The following NBEAL1 variants were observed in gnomAD, a reference collection of about 807,000 sequenced individuals.
NBEAL1 encodes neurobeachin like 1.
NBEAL1 carries 273 observed loss-of-function variants against 351.3 expected under a neutral mutation model. The ratio of observed to expected loss-of-function variants is 0.78; its 90% CI spans 0.70 to 0.86. NBEAL1 has a LOEUF of 0.86. Among genes scored for constraint, NBEAL1 ranks in the 40% least tolerant of loss-of-function variants. The pLI is 0.00. For missense variants in NBEAL1, 2,961 were observed against 3,201.3 expected, an observed-to-expected ratio of 0.92 and a Z score of 1.81; for synonymous variants, 1,050 against 1,086.4, an observed-to-expected ratio of 0.97 and a Z score of 0.66.
intron 2 of NBEAL1, among the ~76,000 whole-genome samples, chr2:203,024,525 C>G (rs933542621): frequency 1.3e-5 from 2 of 149,176 alleles, no homozygotes; most frequent in African/African-American, 4.9e-5. Flanking sequence ...GCACTCCAGC[C>G]TGGGCAATAG....
At chr2:203,032,429 G>A (rs541854941) in intron 2 of NBEAL1, among the ~76,000 whole-genome samples, 1 of 151,896 alleles carries the variant, frequency 6.6e-6, no homozygotes, top group African/African-American at 2.4e-5. Flanking sequence ...AGGCTGAGGC[G>A]GGCAGATCAT....
In NBEAL1 at chr2:203,197,628, C is replaced by T. The variant is rs557997147; in HGVS notation, c.7128+237C>T. 3.1e-4 allele frequency among the ~76,000 whole-genome samples: 47 copies of T among 152,246 alleles called. 1 individual carries two copies. The South Asian group carries it at 9.7e-3, about 32-fold the overall frequency. On this transcript the variant is annotated intron_variant, in intron 48 of 55. Coordinates refer to ENST00000683969, the MANE Select transcript of NBEAL1 (RefSeq NM_001378026.1). Reference sequence around the variant, plus strand: ...ATCTGAAAAGATATATAAAAATAGGCTGGGCACAGTGGCCCACGTCCGTAA... The same window carrying T: ...ATCTGAAAAGATATATAAAAATAGGTTGGGCACAGTGGCCCACGTCCGTAA...
At chr2:203,188,692 A>G (rs1229291157) in intron 45 of NBEAL1, 103 bp downstream of exon 45, 1 of 640,900 alleles carries the variant, frequency 1.6e-6, no homozygotes, top group Non-Finnish European at 2.6e-6. Context: ...GAAAGACTAC[A>G]TTTTAAAAAC....
chr2:203,041,986 A>C, intron 3 of NBEAL1, 130 bp downstream of exon 3: 7 of 658,858 alleles, frequency 1.1e-5, no homozygotes, highest in Non-Finnish European at 1.9e-5. Flanking sequence ...CCCTATTCTC[A>C]TAGAGACATA....
chr2:203,047,417 T>C (rs1435922030), intron 3 of NBEAL1, among the ~76,000 whole-genome samples: 1 of 152,236 alleles, frequency 6.6e-6, no homozygotes, highest in African/African-American at 2.4e-5. Flanking sequence ...TGATAGAACA[T>C]ACTACTTGTA....
chr2:203,216,278 T>G (rs2065895051), intron 55 of NBEAL1, among the ~76,000 whole-genome samples: 1 of 152,218 alleles, frequency 6.6e-6, no homozygotes, highest in Admixed American at 6.5e-5. Flanking sequence ...ACATTACTTT[T>G]TATCATTCTG....
chr2:203,198,424 T>C (rs893951841), intron 48 of NBEAL1, among the ~76,000 whole-genome samples: 9 of 152,306 alleles, frequency 5.9e-5, no homozygotes, highest in African/African-American at 1.9e-4. Flanking sequence ...GTTCATTGCA[T>C]TCATTGTAAA....
At chr2:203,177,150 CAAAAAAA>C (rs201081239) in intron 42 of NBEAL1, among the ~76,000 whole-genome samples, 1 of 60,386 alleles carries the variant, frequency 1.7e-5, no homozygotes, top group African/African-American at 6.5e-5. Context: ...AGCTCTATCT[CAAAAAAA>C]AAAAAAAAAA....
intron 6 of NBEAL1, among the ~76,000 whole-genome samples, chr2:203,064,344 C>T (rs1359597691): frequency 4.6e-5 from 7 of 152,232 alleles, no homozygotes; most frequent in African/African-American, 7.2e-5. Context: ...TGAGCCACTG[C>T]GCCCGGCCAT....
intron 7 of NBEAL1, among the ~76,000 whole-genome samples, chr2:203,070,193 G>T (rs529176618): frequency 6.6e-6 from 1 of 151,496 alleles, no homozygotes; most frequent in African/African-American, 2.4e-5. Flanking sequence ...AATGGACATT[G>T]ACTTTTTTTT....
intron 10 of NBEAL1, among the ~76,000 whole-genome samples, chr2:203,091,413 G>GCTA (rs2062062273): frequency 6.6e-6 from 1 of 152,012 alleles, no homozygotes; most frequent in African/African-American, 2.4e-5. Flanking sequence ...CCACCGTTTG[G>GCTA]CTGCTGCTGT....
intron 12 of NBEAL1, among the ~76,000 whole-genome samples, chr2:203,105,106 C>T (rs1574974754): frequency 6.6e-6 from 1 of 151,982 alleles, no homozygotes; most frequent in African/African-American, 2.4e-5. Context: ...ATCTACCCCC[C>T]TCAGCCTCCC....
chr2:203,200,757 A>G (rs2105810407), intron 49 of NBEAL1, among the ~76,000 whole-genome samples: 1 of 152,328 alleles, frequency 6.6e-6, no homozygotes, highest in South Asian at 2.1e-4. Context: ...AAATTACACC[A>G]TATATTTGAA....
chr2:203,048,512 T>C (rs186142505), intron 3 of NBEAL1, among the ~76,000 whole-genome samples: 2 of 152,296 alleles, frequency 1.3e-5, no homozygotes, highest in Non-Finnish European at 2.9e-5. Flanking sequence ...GTTTTGGTTG[T>C]GTGACCACAG....
In NBEAL1 at chr2:203,126,935, C is replaced by G. The variant is rs772002894; in HGVS notation, c.3248+9C>G. The G allele has an allele frequency of 1.3e-6, 2 of 1,501,880 alleles. No homozygotes were observed. Among genetic ancestry groups the G allele is most frequent in the South Asian group, 2.4e-5 (2 of 82,274 alleles). The allele number at this position is 1,501,880 out of a possible 1,614,324, so 93.0% of individuals were successfully genotyped here. A position where few individuals can be genotyped will look rare whatever the true frequency, so the allele number is the denominator to read the frequency against. On this transcript the variant is annotated intron_variant, in intron 23 of 55. Transcript: ENST00000683969. ...CTTAGGATTTATTATGGGTATGATGCCCTTGTTCTTTCTCAGTTTGATATA... is the reference window on the plus strand; with the variant it reads ...CTTAGGATTTATTATGGGTATGATGGCCTTGTTCTTTCTCAGTTTGATATA...
At chr2:203,138,098 T>C (rs2063266301) in intron 29 of NBEAL1, 64 bp from the exon 30 acceptor site, 3 of 1,524,606 alleles carry the variant, frequency 2.0e-6, no homozygotes, top group Admixed American at 3.8e-5. Flanking sequence ...TTTGTTTTGT[T>C]TTTAATGTCC....
intron 55 of NBEAL1, among the ~76,000 whole-genome samples, chr2:203,214,288 G>T (rs1286948854): frequency 6.6e-6 from 1 of 152,106 alleles, no homozygotes; most frequent in East Asian, 1.9e-4. Context: ...GTCACTGTTG[G>T]TATTTTCTGA....
At chr2:203,206,974 G>A (rs1188635610) in intron 51 of NBEAL1, among the ~76,000 whole-genome samples, 3 of 150,060 alleles carry the variant, frequency 2.0e-5, no homozygotes, top group Admixed American at 6.6e-5. Context: ...AGGAAGTGAG[G>A]AGCGCCTCTT....
chr2:203,157,830 G>A lies in NBEAL1; in HGVS notation c.5714+5G>A. ...TATAACAGCTAGAGTAAATGTGTAT[G>A]TATAAATATTTAAAATTATTTTGTT... On this transcript the variant is annotated splice_donor_5th_base_variant and intron_variant, in intron 36 of 55. Coordinates refer to ENST00000683969, the MANE Select transcript of NBEAL1 (RefSeq NM_001378026.1). 6.6e-7 allele frequency: 1 copy of A among 1,505,292 alleles called. No individual in the cohort carries two copies. The highest frequency in any genetic ancestry group is 8.8e-7 in the Non-Finnish European group (1 of 1,130,876). 93.2% of individuals were successfully genotyped at this position (1,505,292 alleles called of 1,614,324 possible).
Sources: gnomAD v4.1 joint callset for allele counts (sites outside exome capture counted in the v4.1 genomes callset) on GRCh38, gnomAD v4.1.1 for gene constraint, MANE v1.5 for transcripts, NCBI Gene and HGNC (gene_info 2026-07-23, HGNC 2026-07-21) for gene names.